SWT1: variants seen among roughly 807,000 people sequenced by gnomAD.
The protein encoded by SWT1 is SWT1 RNA endoribonuclease homolog, also known as transcriptional protein SWT1.
SWT1 carries 33 observed loss-of-function variants against 107.3 expected under a neutral mutation model. The observed-to-expected ratio is 0.31, with a 90% CI of 0.23 to 0.41. The LOEUF (loss-of-function observed/expected upper bound fraction) is 0.41, where lower values mean the gene tolerates loss of function less well. Ranked by LOEUF, SWT1 falls within the 10% of genes least tolerant of loss-of-function variation. The pLI is 1.00. For synonymous variants in SWT1, 345 were observed against 348.3 expected (o/e 0.99, Z 0.11); for missense variants, 898 against 1,028.9 (o/e 0.87, Z 1.74).
chr1:185,176,807 A>G (rs1379065504), intron 5 of SWT1: 1 of 500,282 alleles, frequency 2.0e-6, no homozygotes, highest in Non-Finnish European at 2.6e-6. Flanking sequence ...ACACAGTGAA[A>G]CATCATCTCT....
chr1:185,181,892 T>C, intron 6 of SWT1, 54 bp from the exon 7 acceptor site: 1 of 1,598,588 alleles, frequency 6.3e-7, no homozygotes, highest in Non-Finnish European at 8.6e-7. Context: ...CTTTCCTCTC[T>C]TGTCAGTCTG....
rs147475244 is a variant in SWT1 at position 185,282,950 on chromosome 1, G to A, written c.2573+6282G>A. Among the ~76,000 whole-genome samples the A allele has an allele frequency of 3.0e-3, 455 of 152,220 alleles. 3 individuals carry two copies. The highest frequency in any genetic ancestry group is 4.0e-3 in the Non-Finnish European group (273 of 68,026). On this transcript the variant is annotated intron_variant, in intron 18 of 18. Transcript: ENST00000367500. The stretch of plus-strand genomic sequence containing the variant: ...CTCTTCAGGTTCAATTAATTTGCTA[G>A]AGTGGCTCATAGTACTCAGGGAAAC...
chr1:185,184,360 A>G lies in SWT1; in HGVS notation c.1240+16A>G, dbSNP rs748968761. 11 of 1,367,566 alleles carry G rather than the reference A, an allele frequency of 8.0e-6. No individual in the cohort carries two copies. The highest frequency in any genetic ancestry group is 1.1e-5 in the Non-Finnish European group (11 of 979,278). The allele number at this position is 1,367,566 out of a possible 1,614,324, so 84.7% of individuals were successfully genotyped here. A position where few individuals can be genotyped will look rare whatever the true frequency, so the allele number is the denominator to read the frequency against. On this transcript the variant is annotated intron_variant, in intron 8 of 18. Coordinates refer to ENST00000367500, the MANE Select transcript of SWT1 (RefSeq NM_017673.7). ...GAAGTACCAGGTATTTACAGAACAT[A>G]TTTAAAGATTCTGATTTTCTTCCTT...
chr1:185,196,032 A>G (rs950260367), intron 10 of SWT1, among the ~76,000 whole-genome samples: 4 of 152,120 alleles, frequency 2.6e-5, no homozygotes, highest in African/African-American at 9.7e-5. Flanking sequence ...TTTTGTTGCC[A>G]TTGCTTTTGG....
chr1:185,194,571 T>TA (rs76055570), intron 10 of SWT1, among the ~76,000 whole-genome samples: 373 of 145,648 alleles, frequency 2.6e-3, no homozygotes, highest in African/African-American at 7.5e-3. Context: ...TTGGATACTT[T>TA]AAAAAAAAAA....
At chr1:185,175,202 GTTT>G (rs377403489) in intron 5 of SWT1, 89 bp downstream of exon 5, 130 of 722,482 alleles carry the variant, frequency 1.8e-4, no homozygotes, top group South Asian at 5.2e-4. Flanking sequence ...ATTTTTTTCT[GTTT>G]TTTTTTTTTT....
rs150438862 is a variant in SWT1, at chr1:185,245,737, A to AT, written c.2441+14036dup. On this transcript the variant is annotated intron_variant, in intron 16 of 18. Transcript: ENST00000367500. ...ATAGGAATTTTTCGGCTCTAGTATA[A>AT]TTTTTTTCCACTCTTGCTGATAATC... 5.5e-3 allele frequency among the ~76,000 whole-genome samples: 834 copies of AT among 151,676 alleles called. 34 individuals are homozygous for AT. The East Asian group carries it at 0.093, about 17-fold the overall frequency.
intron 2 of SWT1, among the ~76,000 whole-genome samples, chr1:185,163,583 A>G (rs1426211940): frequency 1.3e-5 from 2 of 151,980 alleles, no homozygotes; most frequent in Admixed American, 1.3e-4. Flanking sequence ...TTTAGTAGAG[A>G]TGGGGTTTCA....
chr1:185,204,556 GT>G, intron 11 of SWT1, 143 bp from the exon 12 acceptor site: 1 of 384,544 alleles, frequency 2.6e-6, no homozygotes, highest in Non-Finnish European at 4.6e-6. Context: ...TTTCTAAATT[GT>G]TTTGAAAATA....
intron 18 of SWT1, 97 bp downstream of exon 18, chr1:185,276,765 T>G: frequency 7.0e-6 from 4 of 567,938 alleles, no homozygotes; most frequent in Non-Finnish European, 1.2e-5. Flanking sequence ...TGTTTTTTCA[T>G]TGTCTTTTCA....
At position 185,230,730 on chromosome 1, in the gene SWT1, T is replaced by G. The variant is rs544701956; in HGVS notation, c.2310-847T>G. Reference sequence around the variant, plus strand: ...AGCATCATTTTAATAGTTTGGTGTTTTGTGTGTGTGTGTGTGTGTGTGTTT... The same window carrying G: ...AGCATCATTTTAATAGTTTGGTGTTGTGTGTGTGTGTGTGTGTGTGTGTTT... On this transcript the variant is annotated intron_variant, in intron 15 of 18. Transcript: ENST00000367500. Among the ~76,000 whole-genome samples the G allele has an allele frequency of 5.4e-5, 8 of 149,454 alleles. No individual in the cohort carries two copies. The East Asian group carries it at 7.8e-4, about 15-fold the overall frequency.
At chr1:185,247,860 A>G (rs1409679621) in intron 16 of SWT1, among the ~76,000 whole-genome samples, 1 of 152,134 alleles carries the variant, frequency 6.6e-6, no homozygotes, top group Non-Finnish European at 1.5e-5. Flanking sequence ...TTGCTTCTAG[A>G]AGTGTTTTTT....
chr1:185,229,622 G>A (rs895790136), intron 15 of SWT1, among the ~76,000 whole-genome samples: 7 of 151,422 alleles, frequency 4.6e-5, no homozygotes, highest in African/African-American at 1.7e-4. Flanking sequence ...TGCCTCCCTA[G>A]CCACTCTCTC....
At chr1:185,253,709 A>C (rs943992311) in intron 16 of SWT1, among the ~76,000 whole-genome samples, 1 of 152,050 alleles carries the variant, frequency 6.6e-6, no homozygotes, top group Admixed American at 6.6e-5. Flanking sequence ...TAGATATACA[A>C]TCATGTCATC....
intron 12 of SWT1, 136 bp downstream of exon 12, chr1:185,204,999 T>C (rs1292645474): frequency 7.3e-6 from 4 of 548,634 alleles, no homozygotes; most frequent in Non-Finnish European, 1.2e-5. Flanking sequence ...CTTCAAGTTT[T>C]TGAAATAGTT....
At chr1:185,174,056 C>T (rs1321218712) in intron 4 of SWT1, among the ~76,000 whole-genome samples, 1 of 151,996 alleles carries the variant, frequency 6.6e-6, no homozygotes, top group Non-Finnish European at 1.5e-5. Context: ...TCTGTTTTTC[C>T]TCACTGGTTT....
At chr1:185,242,372 A>G (rs1010528387) in intron 16 of SWT1, among the ~76,000 whole-genome samples, 1 of 152,206 alleles carries the variant, frequency 6.6e-6, no homozygotes, top group Non-Finnish European at 1.5e-5. Context: ...AAGATAATAC[A>G]TCACTATGAC....
At position 185,290,818 on chromosome 1, in the gene SWT1, C is replaced by T; in HGVS notation, c.*15C>T. 9 of 1,592,324 alleles carry T rather than the reference C, an allele frequency of 5.7e-6. No individual in the cohort carries two copies. The highest frequency in any genetic ancestry group is 7.7e-6 in the Non-Finnish European group (9 of 1,169,078). ...ATAGGATATAAGTACTGATTTGTAA[C>T]TTTAAAGGAATTGCATTTGTCCTTA... On this transcript the variant is annotated 3_prime_UTR_variant, in exon 19 of 19. Coordinates refer to ENST00000367500, the MANE Select transcript of SWT1 (RefSeq NM_017673.7).
intron 10 of SWT1, 61 bp downstream of exon 10, chr1:185,190,703 AT>A: frequency 9.8e-7 from 1 of 1,020,470 alleles, no homozygotes; most frequent in Non-Finnish European, 1.5e-6. Context: ...ATTTAAAAAA[AT>A]CATATGGTAT....
Sources: allele counts gnomAD v4.1 joint callset (sites outside exome capture counted in the v4.1 genomes callset), GRCh38; gene constraint gnomAD v4.1.1; transcripts MANE v1.5; gene names NCBI Gene and HGNC (gene_info 2026-07-23, HGNC 2026-07-21).